The following ACTN1 variants were observed in gnomAD, a reference collection of about 807,000 sequenced individuals.
ACTN1 encodes alpha-actinin-1.
A neutral mutation model predicts 119.6 loss-of-function variants in ACTN1; 30 were observed. The ratio of observed to expected loss-of-function variants is 0.25; its 90% CI spans 0.19 to 0.34. ACTN1 has a LOEUF of 0.34. ACTN1 is among the 10% of genes least tolerant of loss of function. ACTN1 has a pLI of 1.00. For synonymous variants in ACTN1, 429 were observed against 472.6 expected (o/e 0.91, Z 1.20); for missense variants, 764 against 1,223.4 (o/e 0.62, Z 5.60).
In ACTN1 at chr14:68,966,626, C is replaced by T. The variant is rs370337032; in HGVS notation, c.105+12326G>A. On this transcript the variant is annotated intron_variant, in intron 1 of 21. Coordinates refer to ENST00000394419, the MANE Select transcript of ACTN1 (RefSeq NM_001130004.2). ...CACTCCCAAATGCCACTCCCAAAGT[C>T]CCAACAGAAAGGGAGCAGGAGGCAG... Among the ~76,000 whole-genome samples, 4 of 152,268 alleles carry T rather than the reference C, an allele frequency of 2.6e-5. No homozygotes were observed. The East Asian group carries it at 7.7e-4, about 29-fold the overall frequency.
chr14:68,959,330 G>A (rs1372804072), intron 1 of ACTN1, among the ~76,000 whole-genome samples: 2 of 152,190 alleles, frequency 1.3e-5, no homozygotes, highest in East Asian at 3.8e-4. Context: ...TTCAATGGGA[G>A]CTGATTTAAG....
At chr14:68,937,179 G>A (rs1426114003) in intron 1 of ACTN1, among the ~76,000 whole-genome samples, 1 of 151,364 alleles carries the variant, frequency 6.6e-6, no homozygotes, top group Admixed American at 6.6e-5. Flanking sequence ...TCCTTTTTTG[G>A]CAGAACAGTC....
intron 11 of ACTN1, 64 bp downstream of exon 11, chr14:68,890,075 T>C (rs2032354547): frequency 6.3e-7 from 1 of 1,576,238 alleles, no homozygotes; most frequent in Non-Finnish European, 8.6e-7. Context: ...TAGTGGCTGC[T>C]GGCTGGGCTG....
chr14:68,903,040 T>C (rs1655090704), intron 7 of ACTN1, among the ~76,000 whole-genome samples: 1 of 152,216 alleles, frequency 6.6e-6, no homozygotes, highest in Admixed American at 6.5e-5. Flanking sequence ...TATCATTGAC[T>C]AAGAAAATAA....
At chr14:68,920,799 G>C (rs1355572555) in intron 3 of ACTN1, among the ~76,000 whole-genome samples, 1 of 152,206 alleles carries the variant, frequency 6.6e-6, no homozygotes, top group Non-Finnish European at 1.5e-5. Context: ...AGGGGTCTAA[G>C]TCCTTGGTTT....
At chr14:68,892,332 G>A in intron 9 of ACTN1, 49 bp from the exon 10 acceptor site, 1 of 1,564,372 alleles carries the variant, frequency 6.4e-7, no homozygotes, top group Non-Finnish European at 8.7e-7. Context: ...CGGGGAGGGA[G>A]TGTGCTAGGG....
At chr14:68,969,819 G>A (rs2036823339) in intron 1 of ACTN1, among the ~76,000 whole-genome samples, 1 of 152,154 alleles carries the variant, frequency 6.6e-6, no homozygotes, top group South Asian at 2.1e-4. Context: ...GACATAAGGA[G>A]AAAAGATAGA....
At chr14:68,875,101 G>T (rs771638947) in intron 21 of ACTN1, 84 bp from the exon 22 acceptor site, 1 of 1,581,232 alleles carries the variant, frequency 6.3e-7, no homozygotes, top group Non-Finnish European at 8.6e-7. Context: ...AAGCCTGGCG[G>T]CGTGAAGGCA....
At chr14:68,969,297 C>T (rs1322318032) in intron 1 of ACTN1, among the ~76,000 whole-genome samples, 1 of 152,184 alleles carries the variant, frequency 6.6e-6, no homozygotes, top group East Asian at 1.9e-4. Flanking sequence ...CTCCATGCAG[C>T]CCCAGCCACC....
intron 8 of ACTN1, among the ~76,000 whole-genome samples, chr14:68,901,178 C>T (rs929812551): frequency 1.4e-5 from 2 of 147,514 alleles, no homozygotes; most frequent in Admixed American, 6.7e-5. Context: ...GGCAGGGGCT[C>T]CCATCATGCA....
chr14:68,937,900 T>C (rs573589683), intron 1 of ACTN1, among the ~76,000 whole-genome samples: 1 of 152,340 alleles, frequency 6.6e-6, no homozygotes, highest in Non-Finnish European at 1.5e-5. Flanking sequence ...GGCCAGCACC[T>C]GTGCTCAGCG....
chr14:68,936,696 C>G (rs2035535170), intron 1 of ACTN1: 2 of 632,840 alleles, frequency 3.2e-6, no homozygotes, highest in African/African-American at 1.8e-5. Flanking sequence ...GGGCAAGAAG[C>G]CGGAGGAAAG....
intron 1 of ACTN1, among the ~76,000 whole-genome samples, chr14:68,960,987 T>C (rs2036518036): frequency 6.6e-6 from 1 of 152,148 alleles, no homozygotes; most frequent in African/African-American, 2.4e-5. Context: ...GGAGGATCCC[T>C]TGAGCCCAAA....
chr14:68,909,872 A>G lies in ACTN1; in HGVS notation c.515+83T>C. ...AGGTCTCCACTTTGTTCTAAAGCTGAGACTGACCCAGCCAAGGGGGTCTGG... is the reference window on the plus strand; with the variant it reads ...AGGTCTCCACTTTGTTCTAAAGCTGGGACTGACCCAGCCAAGGGGGTCTGG... On this transcript the variant is annotated intron_variant, in intron 5 of 21. Transcript: ENST00000394419. The surrounding 1 kb of genome is among the most constrained non-coding windows in gnomAD (Gnocchi z 4.1). The G allele has an allele frequency of 8.2e-7, 1 of 1,212,430 alleles. No homozygotes were observed. Among genetic ancestry groups the G allele is most frequent in the Non-Finnish European group, 1.2e-6 (1 of 830,760 alleles). The allele number at this position is 1,212,430 out of a possible 1,614,324, so 75.1% of individuals were successfully genotyped here.
At chr14:68,978,124 G>A in intron 1 of ACTN1, 1 of 455,598 alleles carries the variant, frequency 2.2e-6, no homozygotes, top group Non-Finnish European at 4.4e-6. Flanking sequence ...ATGCAGCTCC[G>A]TGGCTAAGTA....
intron 3 of ACTN1, among the ~76,000 whole-genome samples, chr14:68,917,105 C>G (rs996340752): frequency 5.3e-5 from 8 of 152,222 alleles, no homozygotes; most frequent in Admixed American, 3.9e-4. Context: ...GTTCTCTCCC[C>G]TGGTTAACTA....
At chr14:68,926,947 G>T (rs530114429) in intron 1 of ACTN1, among the ~76,000 whole-genome samples, 1 of 152,202 alleles carries the variant, frequency 6.6e-6, no homozygotes, top group Non-Finnish European at 1.5e-5. Flanking sequence ...CTCCACACAG[G>T]CGGGGAGAAA....
At chr14:68,953,722 CAA>C (rs758286195) in intron 1 of ACTN1, among the ~76,000 whole-genome samples, 2 of 129,540 alleles carry the variant, frequency 1.5e-5, no homozygotes, top group Admixed American at 7.8e-5. Context: ...ACTAAAAATA[CAA>C]AAAAAAAAAA....
At position 68,913,114 on chromosome 14, in the gene ACTN1, T is replaced by C. The variant is rs370555788; in HGVS notation, c.341-872A>G. On this transcript the variant is annotated intron_variant, in intron 3 of 21. Coordinates refer to ENST00000394419, the MANE Select transcript of ACTN1 (RefSeq NM_001130004.2). ...AGATCACAGCTAAGAGATAACCCAA[T>C]ATATTTAGTCTAAGCAGCACCTTTT... Among the ~76,000 whole-genome samples, 5 of 152,232 alleles carry C rather than the reference T, an allele frequency of 3.3e-5. No individual in the cohort carries two copies. The East Asian group carries it at 5.8e-4, about 18-fold the overall frequency.
Sources: gnomAD v4.1 joint callset for allele counts (sites outside exome capture counted in the v4.1 genomes callset) on GRCh38, gnomAD v4.1.1 for gene constraint, Gnocchi (gnomAD v3.1) non-coding constraint, MANE v1.5 for transcripts, NCBI Gene and HGNC (gene_info 2026-07-23, HGNC 2026-07-21) for gene names.